Variants in HECW1 observed in about 807,000 individuals in gnomAD.
The protein encoded by HECW1 is E3 ubiquitin-protein ligase HECW1.
HECW1 carries 61 observed loss-of-function variants against 182.3 expected under a neutral mutation model. The observed-to-expected ratio is 0.33, with a 90% CI of 0.27 to 0.41. The LOEUF is 0.41. HECW1 is among the 10% of genes least tolerant of loss of function. The pLI, the probability that HECW1 is intolerant of heterozygous loss-of-function variation, is 1.00. For missense variants in HECW1, 1,739 were observed against 2,108.9 expected, an observed-to-expected ratio of 0.82 and a Z score of 3.44; for synonymous variants, 859 against 832.6, an observed-to-expected ratio of 1.03 and a Z score of -0.55.
At chr7:43,499,154 G>A (rs997648195) in intron 19 of HECW1, among the ~76,000 whole-genome samples, 19 of 151,896 alleles carry the variant, frequency 1.3e-4, no homozygotes, top group Admixed American at 9.2e-4. Context: ...GGTGGTGTGC[G>A]TTTGTAGTCC....
intron 5 of HECW1, among the ~76,000 whole-genome samples, chr7:43,345,797 TATAC>T (rs1432303733): frequency 4.7e-5 from 2 of 42,796 alleles, no homozygotes; most frequent in Non-Finnish European, 1.1e-4. Flanking sequence ...CCATCATATA[TATAC>T]ACACACACAC....
rs567768954 is a variant in HECW1, at chr7:43,284,246, C to A, written c.28-27517C>A. Among the ~76,000 whole-genome samples the A allele has an allele frequency of 5.9e-5, 9 of 152,180 alleles. No homozygotes were observed. The South Asian group carries it at 1.9e-3, about 32-fold the overall frequency. On this transcript the variant is annotated intron_variant, in intron 3 of 29. Coordinates refer to ENST00000395891, the MANE Select transcript of HECW1 (RefSeq NM_015052.5). ...CATTTTTTAATTGACAAATGAAAAT[C>A]ATATTTCTTTATCATGTACATGTTG...
chr7:43,536,849 AC>A (rs766288718), intron 24 of HECW1, among the ~76,000 whole-genome samples: 10 of 152,168 alleles, frequency 6.6e-5, no homozygotes, highest in South Asian at 2.1e-4. Context: ...CCCCTCTAAG[AC>A]AGCAGGACAA....
chr7:43,154,568 C>T (rs185352500), intron 2 of HECW1, among the ~76,000 whole-genome samples: 7 of 152,230 alleles, frequency 4.6e-5, no homozygotes, highest in East Asian at 3.9e-4. Context: ...CTTCTTTACA[C>T]CTTAGGTGTA....
At chr7:43,119,322 G>GA (rs1161355051) in intron 2 of HECW1, 2 of 152,364 alleles carry the variant, frequency 1.3e-5, no homozygotes, top group South Asian at 2.1e-4. Context: ...GGCTGTGGGG[G>GA]ACCACTCTTT....
chr7:43,545,465 T>C (rs1046881660), intron 26 of HECW1, among the ~76,000 whole-genome samples: 3 of 152,164 alleles, frequency 2.0e-5, no homozygotes, highest in African/African-American at 4.8e-5. Context: ...TCTATAATAA[T>C]GTACAGTTGA....
chr7:43,556,040 G>A (rs985019147), intron 29 of HECW1, among the ~76,000 whole-genome samples: 2 of 152,192 alleles, frequency 1.3e-5, no homozygotes, highest in Non-Finnish European at 2.9e-5. Context: ...ACCTGCCCGT[G>A]GGAACCTGCA....
At chr7:43,360,775 T>C (rs544656150) in intron 5 of HECW1, 111 bp from the exon 6 acceptor site, 6 of 792,348 alleles carry the variant, frequency 7.6e-6, no homozygotes, top group African/African-American at 1.7e-5. Context: ...GTGGCCTGGC[T>C]TGCTCGTGGG....
chr7:43,213,439 A>ATTTTTTTTTTTTTTTTTTTTTT (rs35199868), intron 2 of HECW1, among the ~76,000 whole-genome samples: 1 of 92,486 alleles, frequency 1.1e-5, no homozygotes, highest in Non-Finnish European at 2.2e-5. Context: ...GATCATAAGA[A>ATTTTTTTTTTTTTTTTTTTTTT]TTTTTTTTTT....
intron 13 of HECW1, among the ~76,000 whole-genome samples, chr7:43,461,380 G>C (rs905752293): frequency 5.3e-5 from 8 of 152,252 alleles, no homozygotes; most frequent in Non-Finnish European, 8.8e-5. Flanking sequence ...AGTTGAAGGG[G>C]ACATGGATTC....
chr7:43,196,566 T>C (rs1176459314), intron 2 of HECW1, among the ~76,000 whole-genome samples: 1 of 152,204 alleles, frequency 6.6e-6, no homozygotes, highest in East Asian at 1.9e-4. Context: ...TAACTGCATA[T>C]GCATGAATCT....
intron 2 of HECW1, among the ~76,000 whole-genome samples, chr7:43,240,665 G>A (rs1299988991): frequency 6.6e-6 from 1 of 152,192 alleles, no homozygotes; most frequent in Non-Finnish European, 1.5e-5. Flanking sequence ...AGGTGACCTA[G>A]CAGCTGTGGC....
chr7:43,384,762 C>T (rs1291546294), intron 6 of HECW1, among the ~76,000 whole-genome samples: 4 of 152,134 alleles, frequency 2.6e-5, no homozygotes, highest in African/African-American at 9.7e-5. Flanking sequence ...TCATCTATTC[C>T]GTGAGAGGGA....
At chr7:43,412,179 A>G (rs10951731) in intron 8 of HECW1, among the ~76,000 whole-genome samples, 48,879 of 151,962 alleles carry the variant, frequency 0.32, 8,475 homozygotes, top group Middle Eastern at 0.46. Context: ...ATCTACATTG[A>G]GTTAATTTTG....
chr7:43,350,883 C>T (rs1480488696), intron 5 of HECW1, among the ~76,000 whole-genome samples: 1 of 152,162 alleles, frequency 6.6e-6, no homozygotes, highest in Non-Finnish European at 1.5e-5. Context: ...GGGATTTCTT[C>T]TTGGTTTGGA....
intron 16 of HECW1, among the ~76,000 whole-genome samples, chr7:43,476,895 T>C (rs1036300222): frequency 6.6e-6 from 1 of 152,140 alleles, no homozygotes; most frequent in African/African-American, 2.4e-5. Context: ...TTTGAATACA[T>C]AGGAATATTA....
rs147756548 is a variant in HECW1, at chr7:43,379,159, G to C, written c.556-17655G>C. 7.1e-3 allele frequency among the ~76,000 whole-genome samples: 1,077 copies of C among 152,302 alleles called. 6 individuals carry two copies. The highest frequency in any genetic ancestry group is 0.011 in the Non-Finnish European group (738 of 68,014). On this transcript the variant is annotated intron_variant, in intron 6 of 29. Coordinates refer to ENST00000395891, the MANE Select transcript of HECW1 (RefSeq NM_015052.5). ...TTACTTGCATGCAGGCAGCATAAGA[G>C]TGTTCCTTTAATCTTATGACCACAG... is the stretch of plus-strand genomic sequence containing the variant.
At chr7:43,265,174 G>A (rs1801640057) in intron 3 of HECW1, among the ~76,000 whole-genome samples, 3 of 152,110 alleles carry the variant, frequency 2.0e-5, no homozygotes. Context: ...GGGTAGCTCT[G>A]CTCATTCTAG....
intron 8 of HECW1, among the ~76,000 whole-genome samples, chr7:43,434,279 G>C (rs2076642037): frequency 6.6e-6 from 1 of 152,216 alleles, no homozygotes. Flanking sequence ...TAACCAGAGA[G>C]TCAAAAGGAG....
Sources: gnomAD v4.1 joint callset for allele counts (sites outside exome capture counted in the v4.1 genomes callset) on GRCh38, gnomAD v4.1.1 for gene constraint, MANE v1.5 for transcripts, NCBI Gene and HGNC (gene_info 2026-07-23, HGNC 2026-07-21) for gene names.